CSMD2: variants seen among roughly 807,000 people sequenced by gnomAD.
CSMD2 encodes the protein CUB and sushi domain-containing protein 2.
CSMD2 carries 130 observed loss-of-function variants against 398.5 expected under a neutral mutation model. The observed-to-expected ratio is 0.33, with a 90% CI of 0.28 to 0.38. CSMD2 has a LOEUF of 0.38. Among genes scored for constraint, CSMD2 ranks in the 10% least tolerant of loss-of-function variants. CSMD2 has a pLI of 1.00. For synonymous variants in CSMD2, 1,828 were observed against 1,908.5 expected (o/e 0.96, Z 1.10); for missense variants, 3,829 against 4,764.9 (o/e 0.80, Z 5.78).
intron 12 of CSMD2, among the ~76,000 whole-genome samples, chr1:33,781,288 G>C (rs1652731702): frequency 1.3e-5 from 2 of 152,210 alleles, no homozygotes; most frequent in Non-Finnish European, 2.9e-5. Context: ...CTCAGTTTCA[G>C]ACATCACCTC....
Position 33,918,189 on chromosome 1 carries a change from C to T in CSMD2, c.825G>A (p.Glu275=). The T allele has an allele frequency of 1.2e-6, 2 of 1,614,202 alleles. No homozygotes were observed. The change falls in exon 5 of 71, where the codon GAG becomes GAA. Residue 275 remains glutamate, a synonymous_variant. Transcript: ENST00000373381. ...NADCTWTILA[E]LGDTIALVFI... Reference sequence around the variant, plus strand: ...ACACCAGGGCGATGGTGTCCCCCAGCTCAGCCAGGATGGTCCATGTGCAGT... The same window carrying T: ...ACACCAGGGCGATGGTGTCCCCCAGTTCAGCCAGGATGGTCCATGTGCAGT...
chr1:33,999,643 C>T (rs556092), intron 3 of CSMD2, among the ~76,000 whole-genome samples: 86,589 of 151,754 alleles, frequency 0.57, 25,746 homozygotes, highest in African/African-American at 0.74. Context: ...CCTCTTGCCA[C>T]AGTCATTCAA....
chr1:33,681,264 G>T (rs1371371661), intron 25 of CSMD2, among the ~76,000 whole-genome samples: 1 of 151,670 alleles, frequency 6.6e-6, no homozygotes, highest in African/African-American at 2.4e-5. Flanking sequence ...TTGCTTTTTT[G>T]GGTAATATTC....
intron 1 of CSMD2, among the ~76,000 whole-genome samples, chr1:34,110,603 T>G (rs1276622386): frequency 6.6e-6 from 1 of 152,166 alleles, no homozygotes; most frequent in African/African-American, 2.4e-5. Context: ...TCATTATCCT[T>G]AGCAAACCAA....
At chr1:34,038,896 C>T (rs942768150) in intron 2 of CSMD2, among the ~76,000 whole-genome samples, 2 of 152,194 alleles carry the variant, frequency 1.3e-5, no homozygotes, top group Non-Finnish European at 2.9e-5. Context: ...TTCTCCCACT[C>T]CCTTCCTTCG....
At chr1:33,670,863 T>C (rs1644473392) in intron 25 of CSMD2, among the ~76,000 whole-genome samples, 1 of 152,164 alleles carries the variant, frequency 6.6e-6, no homozygotes, top group Non-Finnish European at 1.5e-5. Context: ...CCCCCTAACT[T>C]AGGCCAAGGG....
At position 33,528,944 on chromosome 1, in the gene CSMD2, G is replaced by A. The variant is rs191382313; in HGVS notation, c.10172-1686C>T. On this transcript the variant is annotated intron_variant, in intron 64 of 70. Transcript: ENST00000373381. ...TTGGAAACCTTAATATTGTTCAGATGGCAATACTCCCCAAATTGATCTACA... is the reference window on the plus strand; with the variant it reads ...TTGGAAACCTTAATATTGTTCAGATAGCAATACTCCCCAAATTGATCTACA... Among the ~76,000 whole-genome samples, 297 of 152,272 alleles carry A rather than the reference G, an allele frequency of 2.0e-3. 1 individual carries two copies. The highest frequency in any genetic ancestry group is 2.9e-3 in the Non-Finnish European group (199 of 68,016).
chr1:34,154,074 T>C (rs1170245370), intron 1 of CSMD2, among the ~76,000 whole-genome samples: 1 of 152,142 alleles, frequency 6.6e-6, no homozygotes, highest in Admixed American at 6.5e-5. Context: ...AATTTTTAAA[T>C]GGGCAAAGAA....
At chr1:33,712,972 T>G (rs570791048) in intron 21 of CSMD2, among the ~76,000 whole-genome samples, 36 of 152,352 alleles carry the variant, frequency 2.4e-4, no homozygotes, top group African/African-American at 8.7e-4. Context: ...AAAAGGTTAT[T>G]GGCAAAATAA....
intron 37 of CSMD2, among the ~76,000 whole-genome samples, chr1:33,621,311 C>T (rs1448234694): frequency 1.3e-5 from 2 of 152,126 alleles, no homozygotes; most frequent in South Asian, 2.1e-4. Flanking sequence ...TGTTTCTTCA[C>T]AACATTTGCA....
At chr1:34,033,917 A>C (rs1213840333) in intron 2 of CSMD2, among the ~76,000 whole-genome samples, 2 of 152,166 alleles carry the variant, frequency 1.3e-5, no homozygotes, top group Non-Finnish European at 2.9e-5. Flanking sequence ...TGTGGGATTC[A>C]TGTTAACTCA....
intron 5 of CSMD2, among the ~76,000 whole-genome samples, chr1:33,893,904 T>C (rs1407344711): frequency 6.6e-6 from 1 of 152,170 alleles, no homozygotes; most frequent in Non-Finnish European, 1.5e-5. Flanking sequence ...CTGGGGTGGC[T>C]GATACTGGAC....
At position 33,658,052 on chromosome 1, in the gene CSMD2, T is replaced by G. The variant is rs773454288; in HGVS notation, c.4341A>C (p.Thr1447=). 1.2e-6 allele frequency: 2 copies of G among 1,614,080 alleles called. No homozygotes were observed. The highest frequency in any genetic ancestry group is 1.7e-6 in the Non-Finnish European group (2 of 1,180,038). Residue 1447 remains threonine (T), a synonymous_variant, in exon 27 of 71, where the codon ACA becomes ACC. Transcript: ENST00000373381. ...CGTAGCCAGGGTCACACTGGAACAC[T>G]GTGGAGTCGCCGGCTTCCCAACTGT... ...SGDSWEAGDS[T]VFQCDPGYAL...
Position 33,533,014 on chromosome 1 carries a change from C to A in CSMD2, c.10171+36G>T. ...AAGTTCAGCCAGCACTTTCAGCCTC[C>A]CGCCCTGGAGAGCTTCCCCGAGCAG... On this transcript the variant is annotated intron_variant, in intron 64 of 70. Transcript: ENST00000373381. The surrounding 1 kb of genome is among the most constrained non-coding windows in gnomAD (Gnocchi z 4.2). 6.4e-7 allele frequency: 1 copy of A among 1,554,458 alleles called. No homozygotes were observed. The highest frequency in any genetic ancestry group is 8.7e-7 in the Non-Finnish European group (1 of 1,150,036).
At chr1:33,906,387 G>A (rs150652535) in intron 5 of CSMD2, among the ~76,000 whole-genome samples, 8 of 152,310 alleles carry the variant, frequency 5.3e-5, no homozygotes, top group Admixed American at 1.3e-4. Context: ...AGCCATTCTC[G>A]TAGCAGTGAG....
rs1653659346 is a variant in CSMD2, at chr1:33,515,204, TCAGC to T, written c.*1416_*1419del. ...GCAAGGAGCTGGAGAGGTGTGACTTTCAGCCACTCTGTTGTTTTGATTCAGGACC... is the reference window on the plus strand; with the variant it reads ...GCAAGGAGCTGGAGAGGTGTGACTTTCACTCTGTTGTTTTGATTCAGGACC... On this transcript the variant is annotated 3_prime_UTR_variant, in exon 71 of 71. Coordinates refer to ENST00000373381, the MANE Select transcript of CSMD2 (RefSeq NM_001281956.2). The T allele has an allele frequency of 2.0e-5, 3 of 152,384 alleles. No individual in the cohort carries two copies. In the South Asian group the frequency reaches 6.2e-4, roughly 32 times the overall value. The allele number at this position is 152,384 out of a possible 1,614,324, so 9.4% of individuals were successfully genotyped here. A position where few individuals can be genotyped will look rare whatever the true frequency, so the allele number is the denominator to read the frequency against.
chr1:33,918,038 C>A, intron 5 of CSMD2, 56 bp downstream of exon 5: 6 of 1,524,614 alleles, frequency 3.9e-6, no homozygotes, highest in Non-Finnish European at 4.5e-6. Context: ...GCAAGCATCC[C>A]AGTAATTCAC....
chr1:33,740,265 T>C (rs1282152975), intron 14 of CSMD2, among the ~76,000 whole-genome samples: 1 of 151,562 alleles, frequency 6.6e-6, no homozygotes, highest in East Asian at 1.9e-4. Context: ...GGCATCACAG[T>C]TCTCTTACTA....
chr1:34,134,505 T>C (rs1230756145), intron 1 of CSMD2, among the ~76,000 whole-genome samples: 1 of 152,190 alleles, frequency 6.6e-6, no homozygotes, highest in African/African-American at 2.4e-5. Context: ...AAATTGTATA[T>C]AATCTTAAAG....
Sources: allele counts gnomAD v4.1 joint callset (sites outside exome capture counted in the v4.1 genomes callset), GRCh38; gene constraint gnomAD v4.1.1; non-coding constraint Gnocchi (gnomAD v3.1); transcripts MANE v1.5; gene names NCBI Gene and HGNC (gene_info 2026-07-23, HGNC 2026-07-21).